PRDM5: variants seen among roughly 807,000 people sequenced by gnomAD.
PRDM5 encodes PR/SET domain 5, also known as PR domain zinc finger protein 5.
PRDM5 carries 56 observed loss-of-function variants against 81.2 expected under a neutral mutation model. The ratio of observed to expected loss-of-function variants is 0.69; its 90% CI spans 0.56 to 0.86. PRDM5 has a LOEUF of 0.86. Among genes scored for constraint, PRDM5 ranks in the 40% least tolerant of loss-of-function variants. The probability of loss-of-function intolerance (pLI) is 0.00; values close to 1 mark genes in which losing one functional copy is unlikely to be tolerated. For missense variants in PRDM5, 697 were observed against 770.1 expected, an observed-to-expected ratio of 0.91 and a Z score of 1.12; for synonymous variants, 267 against 256.4, an observed-to-expected ratio of 1.04 and a Z score of -0.39.
intron 8 of PRDM5, among the ~76,000 whole-genome samples, chr4:120,807,466 G>A (rs2149312711): frequency 6.6e-6 from 1 of 152,320 alleles, no homozygotes; most frequent in Middle Eastern, 3.4e-3. Context: ...CAACCCAAAT[G>A]TCCATCAATG....
chr4:120,747,055 T>C (rs843561), intron 14 of PRDM5, among the ~76,000 whole-genome samples: 139,989 of 141,120 alleles, frequency 0.99, 69,448 homozygotes, highest in Middle Eastern at 1. Context: ...CAATGATAGA[T>C]TGGATTAAGA....
At chr4:120,704,386 G>A (rs748899076) in intron 15 of PRDM5, among the ~76,000 whole-genome samples, 3 of 152,110 alleles carry the variant, frequency 2.0e-5, no homozygotes, top group African/African-American at 4.8e-5. Context: ...AGTACAACAC[G>A]GATGCTTCCT....
At chr4:120,775,842 A>G (rs1049551091) in intron 13 of PRDM5, among the ~76,000 whole-genome samples, 2 of 152,168 alleles carry the variant, frequency 1.3e-5, no homozygotes, top group African/African-American at 4.8e-5. Flanking sequence ...AGCCACAAAT[A>G]CACATAAAAG....
intron 2 of PRDM5, among the ~76,000 whole-genome samples, chr4:120,886,698 A>C (rs990474969): frequency 6.6e-6 from 1 of 152,206 alleles, no homozygotes; most frequent in Non-Finnish European, 1.5e-5. Flanking sequence ...TGAATAATGA[A>C]TATGAAATGA....
chr4:120,855,186 C>T (rs1759734223), intron 2 of PRDM5, among the ~76,000 whole-genome samples: 1 of 152,140 alleles, frequency 6.6e-6, no homozygotes, highest in Admixed American at 6.6e-5. Context: ...TACAGTCTGC[C>T]TGTTCCTTAT....
Position 120,706,758 on chromosome 4 carries a change from T to TTATA in PRDM5, c.1728+3547_1728+3550dup, listed in dbSNP as rs10608924. On this transcript the variant is annotated intron_variant, in intron 15 of 15. Transcript: ENST00000264808. The stretch of plus-strand genomic sequence containing the variant: ...TATATATATGTCCATTATATAAATT[T>TTATA]TATATATATATATATATATGCCCAT... Among the ~76,000 whole-genome samples, 130 of 143,970 alleles carry TTATA rather than the reference T, an allele frequency of 9.0e-4. 1 individual carries two copies. In the Middle Eastern group the frequency reaches 0.011, roughly 12 times the overall value. The allele number at this position is 143,970 out of a possible 152,430, so 94.4% of individuals were successfully genotyped here. A position where few individuals can be genotyped will look rare whatever the true frequency, so the allele number is the denominator to read the frequency against.
At chr4:120,897,934 A>C (rs548002635) in intron 2 of PRDM5, among the ~76,000 whole-genome samples, 120 of 152,276 alleles carry the variant, frequency 7.9e-4, no homozygotes, top group Non-Finnish European at 1.5e-3. Context: ...AATATCCTTA[A>C]GTCAGTTTCT....
chr4:120,904,195 A>AAAAAAAAAAAAAC (rs1765521977), intron 2 of PRDM5, among the ~76,000 whole-genome samples: 2 of 144,406 alleles, frequency 1.4e-5, no homozygotes, highest in African/African-American at 5.2e-5. Flanking sequence ...TTCTCAAAAA[A>AAAAAAAAAAAAAC]AAAAAAAAAA....
intron 12 of PRDM5, among the ~76,000 whole-genome samples, chr4:120,780,383 A>T (rs1393239721): frequency 1.3e-5 from 2 of 151,974 alleles, no homozygotes; most frequent in African/African-American, 4.8e-5. Context: ...GTTCAAGGAT[A>T]CAGTAAGCTA....
intron 13 of PRDM5, among the ~76,000 whole-genome samples, chr4:120,758,864 T>C (rs1284112664): frequency 6.6e-6 from 1 of 151,762 alleles, no homozygotes; most frequent in Non-Finnish European, 1.5e-5. Context: ...CACACCATTC[T>C]CCTACCTCAG....
At chr4:120,816,615 A>C (rs767840505) in intron 6 of PRDM5, 41 bp from the exon 7 acceptor site, 1 of 1,613,200 alleles carries the variant, frequency 6.2e-7, no homozygotes, top group South Asian at 1.1e-5. Flanking sequence ...AGAAATGGTG[A>C]AGACATACCT....
intron 2 of PRDM5, among the ~76,000 whole-genome samples, chr4:120,886,329 C>T (rs547047371): frequency 1.3e-5 from 2 of 152,154 alleles, no homozygotes; most frequent in East Asian, 3.9e-4. Context: ...CAATTGAAAA[C>T]ATTTTTTCCC....
chr4:120,745,083 A>G (rs1247174605), intron 14 of PRDM5, among the ~76,000 whole-genome samples: 4 of 140,082 alleles, frequency 2.9e-5, no homozygotes, highest in African/African-American at 8.1e-5. Flanking sequence ...CTTATCCACC[A>G]TGATCAAGTG....
chr4:120,848,239 T>C (rs1216960415), intron 3 of PRDM5, among the ~76,000 whole-genome samples: 2 of 152,182 alleles, frequency 1.3e-5, no homozygotes, highest in Non-Finnish European at 2.9e-5. Context: ...ACTTAAAATA[T>C]ATATTTTAAA....
At chr4:120,882,428 G>A (rs34623744) in intron 2 of PRDM5, among the ~76,000 whole-genome samples, 62,947 of 151,972 alleles carry the variant, frequency 0.41, 15,613 homozygotes, top group Non-Finnish European at 0.53. Flanking sequence ...GATTACAGAC[G>A]TGAACCACCG....
Position 120,887,947 on chromosome 4 carries a change from T to C in PRDM5, c.177+19527A>G, listed in dbSNP as rs372883228. Among the ~76,000 whole-genome samples, 16 of 106,398 alleles carry C rather than the reference T, an allele frequency of 1.5e-4. 6 individuals carry two copies. The highest frequency in any genetic ancestry group is 5.9e-4 in the African/African-American group (11 of 18,632). The allele number at this position is 106,398 out of a possible 152,430, so 69.8% of individuals were successfully genotyped here. A position where few individuals can be genotyped will look rare whatever the true frequency, so the allele number is the denominator to read the frequency against. On this transcript the variant is annotated intron_variant, in intron 2 of 15. Transcript: ENST00000264808. ...AGCTGGGACTACAGGCGCCCGCCAC[T>C]ACGCCCGGCTAATTTTTTGTATTTT...
At chr4:120,829,800 A>G (rs1191680597) in intron 3 of PRDM5, among the ~76,000 whole-genome samples, 1 of 152,104 alleles carries the variant, frequency 6.6e-6, no homozygotes, top group East Asian at 1.9e-4. Flanking sequence ...ATCCATGGAA[A>G]AGGGAATTAT....
chr4:120,725,065 T>C (rs1739197965), intron 14 of PRDM5, among the ~76,000 whole-genome samples: 1 of 152,136 alleles, frequency 6.6e-6, no homozygotes, highest in South Asian at 2.1e-4. Flanking sequence ...TCAAAAGTCA[T>C]AAAATATTCT....
At chr4:120,877,809 A>C (rs1452150625) in intron 2 of PRDM5, among the ~76,000 whole-genome samples, 1 of 152,202 alleles carries the variant, frequency 6.6e-6, no homozygotes, top group Non-Finnish European at 1.5e-5. Context: ...CGTCTCAAAA[A>C]TAAATAAATA....
Sources: gnomAD v4.1 joint callset for allele counts (sites outside exome capture counted in the v4.1 genomes callset) on GRCh38, gnomAD v4.1.1 for gene constraint, MANE v1.5 for transcripts, NCBI Gene and HGNC (gene_info 2026-07-23, HGNC 2026-07-21) for gene names.